The following METTL16 variants were observed in gnomAD, a reference collection of about 807,000 sequenced individuals.
METTL16 encodes the protein methyltransferase 16, RNA N6-adenosine.
Under a neutral mutation model 57.9 loss-of-function variants are expected in METTL16, and 19 were observed. That is an observed-to-expected ratio of 0.33 (90% CI 0.23 to 0.48). METTL16 has a LOEUF of 0.48. Among genes scored for constraint, METTL16 ranks in the 20% least tolerant of loss-of-function variants. METTL16 has a pLI of 0.99. For missense variants in METTL16, 434 were observed against 691.5 expected (o/e 0.63, Z 4.18); for synonymous variants, 246 against 255.6 (o/e 0.96, Z 0.36).
chr17:2,424,166 T>C (rs182946233), intron 8 of METTL16: 10 of 150,972 alleles, frequency 6.6e-5, no homozygotes, highest in African/African-American at 2.2e-4. Context: ...CAGGCTGGAG[T>C]GCAGTGGCGG....
chr17:2,470,026 C>T (rs1481771310), intron 4 of METTL16, among the ~76,000 whole-genome samples: 2 of 152,150 alleles, frequency 1.3e-5, no homozygotes, highest in East Asian at 3.8e-4. Context: ...TCCTACAAGT[C>T]TCTCTTCGTA....
chr17:2,451,696 A>G lies in METTL16; in HGVS notation c.729-10137T>C, dbSNP rs575283427. 2.1e-4 allele frequency among the ~76,000 whole-genome samples: 32 copies of G among 152,232 alleles called. 1 individual carries two copies. The highest frequency in any genetic ancestry group is 7.5e-4 in the African/African-American group (31 of 41,558). ...TAACCAGGAATTTAAAGCCTTGGGT[A>G]TATTATGAACAAGAGGAAGGAAGAG... On this transcript the variant is annotated intron_variant, in intron 6 of 9. Transcript: ENST00000263092.
rs375592527 is a variant in METTL16, at chr17:2,470,320, C to A, written c.470-2444G>T. Among the ~76,000 whole-genome samples, 39 of 142,012 alleles carry A rather than the reference C, an allele frequency of 2.7e-4. 1 individual carries two copies. The highest frequency in any genetic ancestry group is 1.4e-3 in the East Asian group (7 of 5,146). 93.2% of individuals were successfully genotyped at this position (142,012 alleles called of 152,430 possible). A position where few individuals can be genotyped will look rare whatever the true frequency, so the allele number is the denominator to read the frequency against. On this transcript the variant is annotated intron_variant, in intron 4 of 9. Transcript: ENST00000263092. ...ACAAAAATGAAAAAGAAAAAAAAAA[C>A]CCCAAAACGTGGTATTAAATAGACC...
At chr17:2,508,262 T>C (rs2151582879) in intron 1 of METTL16, among the ~76,000 whole-genome samples, 1 of 152,348 alleles carries the variant, frequency 6.6e-6, no homozygotes, top group South Asian at 2.1e-4. Context: ...TTTGACAGCT[T>C]CCTACACTGG....
intron 6 of METTL16, among the ~76,000 whole-genome samples, chr17:2,449,021 G>A (rs1416730193): frequency 1.4e-5 from 2 of 143,354 alleles, no homozygotes; most frequent in African/African-American, 2.6e-5. Flanking sequence ...GCAAGACTCC[G>A]TCTCAAAAAA....
chr17:2,448,047 CCGGCCAGCCGCCCCG>C, intron 6 of METTL16, among the ~76,000 whole-genome samples: 1 of 69,774 alleles, frequency 1.4e-5, no homozygotes, highest in African/African-American at 6.8e-5. Context: ...GCCCCTCTGC[CCGGCCAGCCGCCCCG>C]TCCGGGAGGG....
chr17:2,420,474 A>G lies in METTL16; in HGVS notation c.1185T>C (p.Val395=). 1 of 1,614,030 alleles carries G rather than the reference A, an allele frequency of 6.2e-7. No individual in the cohort carries two copies. Among genetic ancestry groups the G allele is most frequent in the Non-Finnish European group, 8.5e-7 (1 of 1,180,018 alleles). The change falls in exon 10 of 10, where the codon GTT becomes GTC. Residue 395 remains valine (V), a synonymous_variant. Transcript: ENST00000263092. The surrounding 1 kb of genome is among the most constrained non-coding windows in gnomAD (Gnocchi z 5.4). ...GAATGACGTCCTCAGGAGCTCGGGG[A>G]ACTTCTCTCAGCTGTCTCACACGCT... is the stretch of plus-strand genomic sequence containing the variant. The part of the protein sequence containing the change: ...KRERVRQLRE[V]PRAPEDVIQA...
intron 2 of METTL16, among the ~76,000 whole-genome samples, chr17:2,484,837 G>A (rs1010814321): frequency 1.1e-4 from 16 of 152,140 alleles, no homozygotes; most frequent in Non-Finnish European, 1.8e-4. Context: ...TTGCCAGCCC[G>A]GTTTTGCCAG....
Position 2,417,615 on chromosome 17 carries a change from G to T in METTL16, c.*2355C>A, listed in dbSNP as rs571242414. On this transcript the variant is annotated 3_prime_UTR_variant, in exon 10 of 10. Coordinates refer to ENST00000263092, the MANE Select transcript of METTL16 (RefSeq NM_024086.4). ...ACTGTTACAACATGGACAAATACTT[G>T]TAAGATGTTAAATGAACAAAGGACC... 2 of 152,172 alleles carry T rather than the reference G, an allele frequency of 1.3e-5. No homozygotes were observed. The highest frequency in any genetic ancestry group is 4.8e-5 in the African/African-American group (2 of 41,442). The allele number at this position is 152,172 out of a possible 1,614,324, so 9.4% of individuals were successfully genotyped here.
chr17:2,510,087 A>G (rs1597478473), intron 1 of METTL16, among the ~76,000 whole-genome samples: 1 of 152,152 alleles, frequency 6.6e-6, no homozygotes, highest in African/African-American at 2.4e-5. Flanking sequence ...AAAAAAAAGA[A>G]AAAGAAAATG....
intron 2 of METTL16, among the ~76,000 whole-genome samples, chr17:2,493,890 T>G (rs543560048): frequency 6.6e-6 from 1 of 152,194 alleles, no homozygotes; most frequent in Admixed American, 6.5e-5. Context: ...CATGCGAGGT[T>G]GCAACTATAA....
rs369487955 is a variant in METTL16, at chr17:2,452,031, G to T, written c.729-10472C>A. ...GCATGCCTGTGGTCCCAGCTACTAGGGGGGCTGAGGTGATAGGATCGCTTG... is the reference window on the plus strand; with the variant it reads ...GCATGCCTGTGGTCCCAGCTACTAGTGGGGCTGAGGTGATAGGATCGCTTG... On this transcript the variant is annotated intron_variant, in intron 6 of 9. Transcript: ENST00000263092. Among the ~76,000 whole-genome samples the T allele has an allele frequency of 3.0e-4, 46 of 151,948 alleles. No homozygotes were observed. The East Asian group carries it at 7.7e-3, about 26-fold the overall frequency.
intron 6 of METTL16, among the ~76,000 whole-genome samples, chr17:2,455,500 G>A (rs763587511): frequency 2.6e-5 from 4 of 152,038 alleles, no homozygotes; most frequent in East Asian, 1.9e-4. Context: ...TCACGTAGTC[G>A]GAAATGCCAT....
chr17:2,506,970 C>A (rs1259994105), intron 1 of METTL16, among the ~76,000 whole-genome samples: 2 of 150,570 alleles, frequency 1.3e-5, no homozygotes, highest in African/African-American at 4.9e-5. Context: ...CTCTGCCTGG[C>A]AACCGCCCCG....
chr17:2,501,074 A>ACC (rs2151579743), intron 2 of METTL16, among the ~76,000 whole-genome samples: 1 of 152,216 alleles, frequency 6.6e-6, no homozygotes, highest in East Asian at 1.9e-4. Flanking sequence ...GCGAGACTGC[A>ACC]CCACTGTACT....
intron 1 of METTL16, among the ~76,000 whole-genome samples, chr17:2,506,944 G>C (rs1381303649): frequency 1.3e-5 from 2 of 150,888 alleles, no homozygotes; most frequent in African/African-American, 2.4e-5. Flanking sequence ...CGCCCCGTCT[G>C]AGAAGTGAGG....
At chr17:2,508,123 T>A (rs143636078) in intron 1 of METTL16, among the ~76,000 whole-genome samples, 23 of 144,286 alleles carry the variant, frequency 1.6e-4, no homozygotes, top group African/African-American at 1.5e-4. Context: ...GAATGATCAA[T>A]AAAAAAAAAA....
chr17:2,449,444 G>T (rs1254757710), intron 6 of METTL16, among the ~76,000 whole-genome samples: 1 of 152,106 alleles, frequency 6.6e-6, no homozygotes. Context: ...CTGGATGCAA[G>T]CAATCCTCCT....
intron 8 of METTL16, among the ~76,000 whole-genome samples, chr17:2,424,856 G>A (rs2066805428): frequency 6.6e-6 from 1 of 152,110 alleles, no homozygotes; most frequent in African/African-American, 2.4e-5. Flanking sequence ...GCTGAGGTGG[G>A]AGAATGGCGT....
Sources: allele counts gnomAD v4.1 joint callset (sites outside exome capture counted in the v4.1 genomes callset), GRCh38; gene constraint gnomAD v4.1.1; non-coding constraint Gnocchi (gnomAD v3.1); transcripts MANE v1.5; gene names NCBI Gene and HGNC (gene_info 2026-07-23, HGNC 2026-07-21).